The following ECHDC1 variants were observed in gnomAD, a reference collection of about 807,000 sequenced individuals.
ECHDC1 encodes ethylmalonyl-CoA decarboxylase.
A neutral mutation model predicts 29.7 loss-of-function variants in ECHDC1; 29 were observed. The ratio of observed to expected loss-of-function variants is 0.98; its 90% CI spans 0.73 to 1.33. The LOEUF is 1.33. Ranked by LOEUF, ECHDC1 falls within the 40% of genes most tolerant of loss-of-function variation. The pLI is 0.00. For missense variants in ECHDC1, 328 were observed against 350.0 expected (o/e 0.94, Z 0.50); for synonymous variants, 126 against 123.1 (o/e 1.02, Z -0.15).
intron 1 of ECHDC1, 121 bp from the exon 2 acceptor site, chr6:127,331,151 C>A: frequency 3.6e-6 from 2 of 561,560 alleles, no homozygotes; most frequent in Non-Finnish European, 6.1e-6. Flanking sequence ...TTCCCCATTT[C>A]TTTTTTTTTT....
At chr6:127,316,005 A>G (rs1188094122) in intron 4 of ECHDC1, 1 of 470,786 alleles carries the variant, frequency 2.1e-6, no homozygotes, top group Admixed American at 2.3e-5. Context: ...TATTCCTCAG[A>G]AAGCTGTAAA....
intron 3 of ECHDC1, among the ~76,000 whole-genome samples, chr6:127,324,717 G>C (rs897609670): frequency 2.0e-5 from 3 of 152,164 alleles, no homozygotes; most frequent in Admixed American, 2.0e-4. Flanking sequence ...AAAAGGATAG[G>C]GGAGTGACAA....
At chr6:127,311,482 C>T (rs970758269) in intron 5 of ECHDC1, among the ~76,000 whole-genome samples, 3 of 151,382 alleles carry the variant, frequency 2.0e-5, no homozygotes, top group Non-Finnish European at 4.4e-5. Flanking sequence ...CGAGACCAAC[C>T]TGGCCAACAT....
chr6:127,301,833 A>C (rs1030174635), intron 5 of ECHDC1, among the ~76,000 whole-genome samples: 3 of 152,216 alleles, frequency 2.0e-5, no homozygotes, highest in Admixed American at 6.5e-5. Context: ...TAATTTTGTA[A>C]AATATAACAA....
At chr6:127,306,935 C>A (rs934497061) in intron 5 of ECHDC1, among the ~76,000 whole-genome samples, 80 of 152,256 alleles carry the variant, frequency 5.3e-4, no homozygotes, top group African/African-American at 1.9e-3. Flanking sequence ...GGTCAAAAGA[C>A]AAATCTTAAA....
At chr6:127,332,794 G>A (rs1410573730) in intron 1 of ECHDC1, among the ~76,000 whole-genome samples, 1 of 151,856 alleles carries the variant, frequency 6.6e-6, no homozygotes, top group African/African-American at 2.4e-5. Flanking sequence ...CTTTTTGGGG[G>A]CAGGGGAGGG....
intron 5 of ECHDC1, among the ~76,000 whole-genome samples, chr6:127,309,237 A>T (rs1275493582): frequency 6.6e-6 from 1 of 152,020 alleles, no homozygotes; most frequent in Non-Finnish European, 1.5e-5. Context: ...AAATAGCATA[A>T]AAACAGACAA....
At position 127,311,062 on chromosome 6, in the gene ECHDC1, A is replaced by G. The variant is rs1476806460; in HGVS notation, c.497+3754T>C. Among the ~76,000 whole-genome samples, 3 of 152,330 alleles carry G rather than the reference A, an allele frequency of 2.0e-5. No homozygotes were observed. In the East Asian group the frequency reaches 5.8e-4, roughly 29 times the overall value. On this transcript the variant is annotated intron_variant, in intron 5 of 5. Transcript: ENST00000454859. ...ATAGTACAGTGTACACATAACTTAT[A>G]TACGCACTGGGAAACCAAACAGTTC...
At chr6:127,331,143 C>T in intron 1 of ECHDC1, 113 bp from the exon 2 acceptor site, 1 of 722,942 alleles carries the variant, frequency 1.4e-6, no homozygotes, top group Non-Finnish European at 2.2e-6. Context: ...GGGAATACTT[C>T]CCCATTTCTT....
At chr6:127,315,455 A>T in intron 4 of ECHDC1, 1 of 232,664 alleles carries the variant, frequency 4.3e-6, no homozygotes, top group Middle Eastern at 1.8e-3. Context: ...ATTTTGCAGT[A>T]AAAATAAATC....
chr6:127,299,124 T>C (rs1348222537), intron 5 of ECHDC1, among the ~76,000 whole-genome samples: 1 of 152,114 alleles, frequency 6.6e-6, no homozygotes, highest in African/African-American at 2.4e-5. Context: ...GCCTTGGCCT[T>C]CCAAAATGCT....
intron 4 of ECHDC1, chr6:127,315,307 G>C (rs1246241723): frequency 2.9e-6 from 1 of 344,928 alleles, no homozygotes; most frequent in Admixed American, 3.9e-5. Flanking sequence ...GTTAAAAGTT[G>C]GAAAATCAAG....
At chr6:127,311,669 C>CAAAAAAAAAAAAAAAAAA (rs71272311) in intron 5 of ECHDC1, among the ~76,000 whole-genome samples, 21 of 25,038 alleles carry the variant, frequency 8.4e-4, no homozygotes, top group East Asian at 2.6e-3. Flanking sequence ...GGCTCTGTCT[C>CAAAAAAAAAAAAAAAAAA]AAAAAAAAAA....
chr6:127,317,622 T>C (rs945421285), intron 3 of ECHDC1, among the ~76,000 whole-genome samples: 2 of 152,154 alleles, frequency 1.3e-5, no homozygotes, highest in Non-Finnish European at 2.9e-5. Context: ...CTATAAAAGA[T>C]TGCATAAGTG....
At chr6:127,294,576 G>T (rs967469864) in intron 5 of ECHDC1, 1 of 152,140 alleles carries the variant, frequency 6.6e-6, no homozygotes, top group Non-Finnish European at 1.5e-5. Context: ...GACTGCTTGA[G>T]TAAGAAGGTA....
At chr6:127,340,042 T>C (rs1784787893) in intron 1 of ECHDC1, among the ~76,000 whole-genome samples, 1 of 152,226 alleles carries the variant, frequency 6.6e-6, no homozygotes, top group Admixed American at 6.5e-5. Context: ...AATGGGTTTA[T>C]ATGCAACATA....
chr6:127,334,867 A>G (rs1009153232), intron 1 of ECHDC1, among the ~76,000 whole-genome samples: 2 of 152,098 alleles, frequency 1.3e-5, no homozygotes, highest in African/African-American at 4.8e-5. Flanking sequence ...ATTTTAACAC[A>G]TTCCTCAAAT....
At chr6:127,338,301 T>C (rs1234230649) in intron 1 of ECHDC1, among the ~76,000 whole-genome samples, 2 of 152,164 alleles carry the variant, frequency 1.3e-5, no homozygotes, top group East Asian at 1.9e-4. Context: ...AAACAAAATA[T>C]GCACACATAA....
chr6:127,318,409 T>G (rs1032774267), intron 3 of ECHDC1, among the ~76,000 whole-genome samples: 1 of 152,246 alleles, frequency 6.6e-6, no homozygotes, highest in Non-Finnish European at 1.5e-5. Flanking sequence ...ATTATAGTAC[T>G]TATAAATTGT....
Sources: gnomAD v4.1 joint callset for allele counts (sites outside exome capture counted in the v4.1 genomes callset) on GRCh38, gnomAD v4.1.1 for gene constraint, MANE v1.5 for transcripts, NCBI Gene and HGNC (gene_info 2026-07-23, HGNC 2026-07-21) for gene names.